SCHIP1: variants seen among roughly 807,000 people sequenced by gnomAD.
SCHIP1 encodes schwannomin interacting protein 1.
In SCHIP1, 8 loss-of-function variants were observed where a neutral mutation model predicts 29.7. That is an observed-to-expected ratio of 0.27 (90% CI 0.16 to 0.49). The LOEUF is 0.49. SCHIP1 is among the 20% of genes least tolerant of loss of function. SCHIP1 has a pLI of 0.99. For missense variants in SCHIP1, 193 were observed against 294.6 expected (o/e 0.66, Z 2.52); for synonymous variants, 76 against 94.9 (o/e 0.80, Z 1.16).
chr3:159,708,892 G>A, the SCHIP1 span, among the ~76,000 whole-genome samples: 1 of 152,176 alleles, frequency 6.6e-6, no homozygotes, highest in African/African-American at 2.4e-5. Flanking sequence ...GAGTGGGGAG[G>A]TGCACAGGGG....
the SCHIP1 span, among the ~76,000 whole-genome samples, chr3:159,343,144 G>A: frequency 6.6e-6 from 1 of 152,130 alleles, no homozygotes; most frequent in Non-Finnish European, 1.5e-5. Context: ...AGATGAGAAG[G>A]CTGAGTTTAG....
At chr3:159,764,749 G>T in the SCHIP1 span, 1 of 1,572,892 alleles carries the variant, frequency 6.4e-7, no homozygotes, top group Non-Finnish European at 8.6e-7. This position sits in a 1 kb window ranked among gnomAD's most constrained non-coding sequence, Gnocchi z 6.1. Flanking sequence ...GGAACCGGGG[G>T]ACGTAAGCGC....
At chr3:159,399,922 C>A in the SCHIP1 span, among the ~76,000 whole-genome samples, 1 of 152,210 alleles carries the variant, frequency 6.6e-6, no homozygotes, top group Non-Finnish European at 1.5e-5. Flanking sequence ...CAGTGATCAT[C>A]CTGCCTTGGC....
At chr3:159,275,964 C>T in the SCHIP1 span, among the ~76,000 whole-genome samples, 3 of 152,004 alleles carry the variant, frequency 2.0e-5, no homozygotes, top group Non-Finnish European at 4.4e-5. Flanking sequence ...GTCCACCCAC[C>T]CTTGCAAGGG....
chr3:159,699,646 T>C, the SCHIP1 span, among the ~76,000 whole-genome samples: 2 of 152,182 alleles, frequency 1.3e-5, no homozygotes, highest in South Asian at 4.1e-4. Flanking sequence ...AGCAGTGACA[T>C]TGGTAGCCTG....
chr3:159,605,547 A>G, the SCHIP1 span, among the ~76,000 whole-genome samples: 2 of 152,180 alleles, frequency 1.3e-5, no homozygotes, highest in Non-Finnish European at 2.9e-5. Flanking sequence ...CCAGATAGTT[A>G]ATGGCAGTGG....
chr3:159,625,605 T>C, the SCHIP1 span, among the ~76,000 whole-genome samples: 1 of 152,204 alleles, frequency 6.6e-6, no homozygotes, highest in Non-Finnish European at 1.5e-5. Context: ...GTTAGTAGTT[T>C]GCAATCAGCC....
At chr3:159,359,030 C>T in the SCHIP1 span, among the ~76,000 whole-genome samples, 12 of 147,208 alleles carry the variant, frequency 8.2e-5, no homozygotes, top group African/African-American at 2.8e-4. Flanking sequence ...CTGGTTCAAG[C>T]GATTCCCTTG....
the SCHIP1 span, among the ~76,000 whole-genome samples, chr3:159,766,940 G>A: frequency 6.6e-6 from 1 of 152,064 alleles, no homozygotes; most frequent in East Asian, 1.9e-4. Context: ...TGAAACCAAT[G>A]GTGTATCCTC....
At chr3:159,474,304 C>T in the SCHIP1 span, among the ~76,000 whole-genome samples, 9 of 152,152 alleles carry the variant, frequency 5.9e-5, no homozygotes, top group Non-Finnish European at 8.8e-5. Context: ...ATTAAGCAAA[C>T]TTCAAGATTT....
At chr3:159,610,083 T>C in the SCHIP1 span, among the ~76,000 whole-genome samples, 31 of 152,210 alleles carry the variant, frequency 2.0e-4, no homozygotes, top group African/African-American at 7.2e-4. Context: ...ATTTTACAGA[T>C]GAGGAATCCC....
chr3:159,428,419 A>T, the SCHIP1 span, among the ~76,000 whole-genome samples: 1 of 152,076 alleles, frequency 6.6e-6, no homozygotes, highest in Non-Finnish European at 1.5e-5. Flanking sequence ...AGAAGACATT[A>T]ATGCAGCCAA....
At chr3:159,393,460 G>C in the SCHIP1 span, among the ~76,000 whole-genome samples, 1 of 152,020 alleles carries the variant, frequency 6.6e-6, no homozygotes, top group South Asian at 2.1e-4. Flanking sequence ...TAACATGTAA[G>C]TCTTTAATCC....
chr3:159,588,895 G>A, the SCHIP1 span, among the ~76,000 whole-genome samples: 63 of 152,296 alleles, frequency 4.1e-4, no homozygotes, highest in African/African-American at 1.2e-3. Flanking sequence ...GTCAGGTAGC[G>A]TGATGCCTCC....
exon 1 of SCHIP1, chr3:159,839,909 G>C (rs1267472908): frequency 4.2e-5 from 58 of 1,392,100 alleles, no homozygotes; most frequent in Non-Finnish European, 4.7e-5. Flanking sequence ...GGTGATGAGC[G>C]CCCCCTCCCC....
the SCHIP1 span, among the ~76,000 whole-genome samples, chr3:159,659,083 A>T: frequency 6.6e-6 from 1 of 152,218 alleles, no homozygotes; most frequent in African/African-American, 2.4e-5. Context: ...TATATTTGTC[A>T]ATGCTGTTTG....
the SCHIP1 span, among the ~76,000 whole-genome samples, chr3:159,657,113 T>C: frequency 6.6e-6 from 1 of 152,208 alleles, no homozygotes; most frequent in South Asian, 2.1e-4. Context: ...ACTCTAAGTC[T>C]ACATGTACTA....
the SCHIP1 span, among the ~76,000 whole-genome samples, chr3:159,390,529 G>C: frequency 0.027 from 4,111 of 151,874 alleles, 71 homozygotes; most frequent in East Asian, 0.11. Flanking sequence ...TTATGGACAC[G>C]AAAAAAATTG....
At chr3:159,394,526 G>C in the SCHIP1 span, among the ~76,000 whole-genome samples, 70 of 152,212 alleles carry the variant, frequency 4.6e-4, no homozygotes, top group African/African-American at 1.5e-3. Flanking sequence ...TAGCATGAAG[G>C]GTTGTTGAAT....
Sources: gnomAD v4.1 joint callset for allele counts (sites outside exome capture counted in the v4.1 genomes callset) on GRCh38, gnomAD v4.1.1 for gene constraint, Gnocchi (gnomAD v3.1) non-coding constraint, MANE v1.5 for transcripts, NCBI Gene and HGNC (gene_info 2026-07-23, HGNC 2026-07-21) for gene names.